DIS3: variants seen among roughly 807,000 people sequenced by gnomAD.
DIS3 encodes the protein DIS3 exosome endoribonuclease and 3'-5' exoribonuclease, also known as exosome complex exonuclease RRP44.
DIS3 carries 103 observed loss-of-function variants against 113.0 expected under a neutral mutation model. That is an observed-to-expected ratio of 0.91 (90% CI 0.78 to 1.07). DIS3 has a LOEUF of 1.07. Ranked by LOEUF, DIS3 falls within the 50% of genes least tolerant of loss-of-function variation. DIS3 has a pLI of 0.00. For missense variants in DIS3, 1,121 were observed against 1,167.1 expected, an observed-to-expected ratio of 0.96 and a Z score of 0.58; for synonymous variants, 402 against 394.3, an observed-to-expected ratio of 1.02 and a Z score of -0.23.
chr13:72,756,159 T>C lies in DIS3; in HGVS notation c.*3636A>G. ...TATTTATAAATCAACTTTTAAAAACTGTCTCATTCAAAAGGGAATAAAGAC... is the reference window on the plus strand; with the variant it reads ...TATTTATAAATCAACTTTTAAAAACCGTCTCATTCAAAAGGGAATAAAGAC... On this transcript the variant is annotated 3_prime_UTR_variant, in exon 21 of 21. Transcript: ENST00000377767. 6.3e-6 allele frequency: 1 copy of C among 157,986 alleles called. No individual in the cohort carries two copies. Among genetic ancestry groups the C allele is most frequent in the South Asian group, 5.2e-4 (1 of 1,916 alleles). The allele number at this position is 157,986 out of a possible 1,614,324, so 9.8% of individuals were successfully genotyped here.
rs1177966417 is a variant in DIS3 at position 72,753,041 on chromosome 13, T to G, written c.*6754A>C. The stretch of plus-strand genomic sequence containing the variant: ...TTAAGCTTTTTAAGCCTTAATTTCC[T>G]TCTCTAGTAAAGTATTAGGGTTGTT... On this transcript the variant is annotated 3_prime_UTR_variant, in exon 21 of 21. Transcript: ENST00000377767. 1 of 152,206 alleles carries G rather than the reference T, an allele frequency of 6.6e-6. No individual in the cohort carries two copies. The highest frequency in any genetic ancestry group is 2.4e-5 in the African/African-American group (1 of 41,458). 9.4% of individuals were successfully genotyped at this position (152,206 alleles called of 1,614,324 possible).
At chr13:72,774,274 A>G (rs1566248858) in intron 6 of DIS3, among the ~76,000 whole-genome samples, 1 of 152,170 alleles carries the variant, frequency 6.6e-6, no homozygotes, top group Non-Finnish European at 1.5e-5. Context: ...GTACTACAAA[A>G]CAATCAAAAA....
At chr13:72,760,102 C>A (rs1222221793) in intron 20 of DIS3, among the ~76,000 whole-genome samples, 2 of 152,098 alleles carry the variant, frequency 1.3e-5, no homozygotes, top group African/African-American at 4.8e-5. Flanking sequence ...AGAAGCATGT[C>A]ATTTAGGAAG....
In DIS3 at chr13:72,755,420, A is replaced by AT; in HGVS notation, c.*4374dup. 1.9e-6 allele frequency: 1 copy of AT among 521,656 alleles called. No homozygotes were observed. Among genetic ancestry groups the AT allele is most frequent in the Non-Finnish European group, 3.4e-6 (1 of 295,822 alleles). The allele number at this position is 521,656 out of a possible 1,614,324, so 32.3% of individuals were successfully genotyped here. On this transcript the variant is annotated 3_prime_UTR_variant, in exon 21 of 21. Transcript: ENST00000377767. ...CTTCAAGTTGCTGAATTATAAGTTT[A>AT]TTTTTTATCAATAAATATTTTTATA...
chr13:72,780,609 G>A (rs764254917), intron 2 of DIS3, among the ~76,000 whole-genome samples: 5 of 152,064 alleles, frequency 3.3e-5, no homozygotes, highest in African/African-American at 1.2e-4. Flanking sequence ...GGAAATTAAA[G>A]TACCTATTGT....
chr13:72,781,300 G>T (rs1220747531), intron 1 of DIS3: 3 of 1,551,184 alleles, frequency 1.9e-6, no homozygotes, highest in Non-Finnish European at 2.6e-6. Context: ...AGCTGCCTGG[G>T]AGTCGCAGGC....
chr13:72,773,546 AC>A, intron 8 of DIS3, 137 bp downstream of exon 8: 1 of 894,042 alleles, frequency 1.1e-6, no homozygotes, highest in Admixed American at 3.1e-5. Flanking sequence ...CATGCTACTT[AC>A]CAGGTCACTT....
intron 5 of DIS3, among the ~76,000 whole-genome samples, chr13:72,775,690 C>T (rs766706854): frequency 2.0e-5 from 3 of 151,814 alleles, no homozygotes; most frequent in Non-Finnish European, 4.4e-5. Flanking sequence ...AATAAGAGTA[C>T]ACTACCTAGT....
intron 2 of DIS3, among the ~76,000 whole-genome samples, chr13:72,779,792 T>C (rs995415688): frequency 7.9e-5 from 12 of 151,754 alleles, no homozygotes; most frequent in Non-Finnish European, 1.8e-4. Context: ...GGGGTGGTGA[T>C]CCTGCCAAAT....
At chr13:72,765,275 T>C (rs902994793) in intron 15 of DIS3, among the ~76,000 whole-genome samples, 1 of 152,094 alleles carries the variant, frequency 6.6e-6, no homozygotes, top group Non-Finnish European at 1.5e-5. Context: ...AGAAGTCAAA[T>C]AACTACTTTA....
In DIS3 at chr13:72,753,723, A is replaced by G; in HGVS notation, c.*6072T>C. 6.2e-7 allele frequency: 1 copy of G among 1,613,482 alleles called. No individual in the cohort carries two copies. Among genetic ancestry groups the G allele is most frequent in the Non-Finnish European group, 8.5e-7 (1 of 1,179,654 alleles). On this transcript the variant is annotated 3_prime_UTR_variant, in exon 21 of 21. Coordinates refer to ENST00000377767, the MANE Select transcript of DIS3 (RefSeq NM_014953.5). ...TGGCTATAATACGCAGAATTGTGGA[A>G]GCAATATTATGGATACAGTTGGGGC...
Position 72,766,565 on chromosome 13 carries a change from C to A in DIS3, c.1884-507G>T, listed in dbSNP as rs544815028. Among the ~76,000 whole-genome samples the A allele has an allele frequency of 2.0e-5, 3 of 152,276 alleles. No individual in the cohort carries two copies. The South Asian group carries it at 6.2e-4, about 32-fold the overall frequency. ...GAACCAAAAGAGAAGCAACTGATAA[C>A]CTAGTATCACTAATAGGTTACAAGT... On this transcript the variant is annotated intron_variant, in intron 14 of 20. Transcript: ENST00000377767.
intron 14 of DIS3, among the ~76,000 whole-genome samples, chr13:72,766,752 T>C (rs1304236033): frequency 6.6e-6 from 1 of 152,170 alleles, no homozygotes; most frequent in African/African-American, 2.4e-5. Flanking sequence ...GACATAACTT[T>C]CATGAGGTCA....
At position 72,772,120 on chromosome 13, in the gene DIS3, G is replaced by C. The variant is rs200048130; in HGVS notation, c.1503+39C>G. On this transcript the variant is annotated intron_variant, in intron 10 of 20. Transcript: ENST00000377767. ...TTCAAAAGAAAATGAACTCAGAACAGAACTATATTTAGGTAAGAACACTAT... is the reference window on the plus strand; with the variant it reads ...TTCAAAAGAAAATGAACTCAGAACACAACTATATTTAGGTAAGAACACTAT... The C allele has an allele frequency of 5.9e-6, 9 of 1,517,826 alleles. No homozygotes were observed. The East Asian group carries it at 1.8e-4, about 30-fold the overall frequency. The allele number at this position is 1,517,826 out of a possible 1,614,324, so 94.0% of individuals were successfully genotyped here. A position where few individuals can be genotyped will look rare whatever the true frequency, so the allele number is the denominator to read the frequency against.
At position 72,757,810 on chromosome 13, in the gene DIS3, C is replaced by T; in HGVS notation, c.*1985G>A. 1 of 208,532 alleles carries T rather than the reference C, an allele frequency of 4.8e-6. No individual in the cohort carries two copies. Among genetic ancestry groups the T allele is most frequent in the Non-Finnish European group, 9.8e-6 (1 of 102,320 alleles). The allele number at this position is 208,532 out of a possible 1,614,324, so 12.9% of individuals were successfully genotyped here. A position where few individuals can be genotyped will look rare whatever the true frequency, so the allele number is the denominator to read the frequency against. On this transcript the variant is annotated 3_prime_UTR_variant, in exon 21 of 21. Coordinates refer to ENST00000377767, the MANE Select transcript of DIS3 (RefSeq NM_014953.5). ...GACACATCAAAATTATAATGATGTG[C>T]TGCATAACTTTTGGTCAACAATGGC...
Position 72,772,243 on chromosome 13 carries a change from C to A in DIS3, c.1419G>T (p.Leu473=), listed in dbSNP as rs2033902738. Residue 473 remains leucine, a synonymous_variant, in exon 10 of 21, where the codon CTG becomes CTT. Transcript: ENST00000377767. Reference sequence around the variant, plus strand: ...CTGGTGGGTCTACACTACAAATACACAGATGCCTCAGGTCTTCTCGGTTTT... The same window carrying A: ...CTGGTGGGTCTACACTACAAATACAAAGATGCCTCAGGTCTTCTCGGTTTT... ...DMKNREDLRH[L]CICSVDPPGC... 1 of 1,612,870 alleles carries A rather than the reference C, an allele frequency of 6.2e-7. No homozygotes were observed. The highest frequency in any genetic ancestry group is 1.3e-5 in the African/African-American group (1 of 74,904).
intron 8 of DIS3, 126 bp downstream of exon 8, chr13:72,773,558 T>C (rs1264357501): frequency 1.9e-6 from 2 of 1,069,888 alleles, no homozygotes; most frequent in Non-Finnish European, 2.6e-6. Flanking sequence ...CAGGTCACTT[T>C]GTGAAATATC....
chr13:72,753,904 TG>T lies in DIS3; in HGVS notation c.*5890del. ...TTTGATTATTAGACAATAGTACTAT[TG>T]AGAAACTATATGAAATTTAAAACAC... On this transcript the variant is annotated 3_prime_UTR_variant, in exon 21 of 21. Transcript: ENST00000377767. 3.9e-6 allele frequency: 5 copies of T among 1,286,954 alleles called. No homozygotes were observed. The highest frequency in any genetic ancestry group is 5.3e-6 in the Non-Finnish European group (5 of 937,588). 79.7% of individuals were successfully genotyped at this position (1,286,954 alleles called of 1,614,324 possible). A position where few individuals can be genotyped will look rare whatever the true frequency, so the allele number is the denominator to read the frequency against.
chr13:72,765,061 T>C lies in DIS3; in HGVS notation c.1970+911A>G, dbSNP rs568710569. 8.5e-5 allele frequency among the ~76,000 whole-genome samples: 13 copies of C among 152,272 alleles called. No individual in the cohort carries two copies. The East Asian group carries it at 9.7e-4, about 11-fold the overall frequency. ...TGGTCATCTATTAGAAAAGTGCATA[T>C]GCATGTTGAATTCCAAAATTACCTT... On this transcript the variant is annotated intron_variant, in intron 15 of 20. Transcript: ENST00000377767.
Sources: allele counts gnomAD v4.1 joint callset (sites outside exome capture counted in the v4.1 genomes callset), GRCh38; gene constraint gnomAD v4.1.1; transcripts MANE v1.5; gene names NCBI Gene and HGNC (gene_info 2026-07-23, HGNC 2026-07-21).